Variants in GHR observed in about 807,000 individuals in gnomAD.
GHR encodes the protein growth hormone receptor.
A neutral mutation model predicts 67.1 loss-of-function variants in GHR; 35 were observed. The ratio of observed to expected loss-of-function variants is 0.52; its 90% confidence interval spans 0.40 to 0.69. The LOEUF (loss-of-function observed/expected upper bound fraction) is 0.69, where lower values mean the gene tolerates loss of function less well. Ranked by LOEUF, GHR falls within the 30% of genes least tolerant of loss-of-function variation. GHR has a pLI of 0.00. For missense variants in GHR, 792 were observed against 764.6 expected, an observed-to-expected ratio of 1.04 and a Z score of -0.42; for synonymous variants, 272 against 269.1, an observed-to-expected ratio of 1.01 and a Z score of -0.10.
At chr5:42,576,257 T>C (rs901016145) in intron 2 of GHR, among the ~76,000 whole-genome samples, 3 of 151,994 alleles carry the variant, frequency 2.0e-5, no homozygotes, top group African/African-American at 4.8e-5. Context: ...TCAGTTTTCT[T>C]ATCTCTTAAG....
At chr5:42,668,287 A>G (rs1027175827) in intron 3 of GHR, among the ~76,000 whole-genome samples, 1 of 152,216 alleles carries the variant, frequency 6.6e-6, no homozygotes, top group Admixed American at 6.5e-5. Context: ...TTAAATTTTG[A>G]AGAATTATTT....
intron 1 of GHR, among the ~76,000 whole-genome samples, chr5:42,455,474 T>C (rs1430123873): frequency 6.6e-6 from 1 of 152,200 alleles, no homozygotes; most frequent in Non-Finnish European, 1.5e-5. Context: ...TTTTGTTTCT[T>C]CTGACTTGGT....
At chr5:42,470,165 A>C (rs1198566989) in intron 1 of GHR, among the ~76,000 whole-genome samples, 3 of 140,708 alleles carry the variant, frequency 2.1e-5, no homozygotes, top group Non-Finnish European at 4.7e-5. Context: ...ATAATATATA[A>C]GATATAATTA....
intron 2 of GHR, among the ~76,000 whole-genome samples, chr5:42,588,175 A>G (rs1322870167): frequency 6.6e-6 from 1 of 152,142 alleles, no homozygotes; most frequent in Non-Finnish European, 1.5e-5. Context: ...GGCTTCCATG[A>G]TTGTATTTGC....
At chr5:42,562,567 A>T (rs1229624195) in intron 1 of GHR, among the ~76,000 whole-genome samples, 1 of 145,852 alleles carries the variant, frequency 6.9e-6, no homozygotes, top group Non-Finnish European at 1.5e-5. Flanking sequence ...TGTGTTGAGG[A>T]TTCTTGTTTG....
rs79508590 is a variant in GHR, at chr5:42,654,324, T to G, written c.136+25221T>G. On this transcript the variant is annotated intron_variant, in intron 3 of 9. Transcript: ENST00000230882. Reference sequence around the variant, plus strand: ...TCTATTTATGGAACATAGTTTCACATAGTAACTGATTCTGTACCAATGCCC... The same window carrying G: ...TCTATTTATGGAACATAGTTTCACAGAGTAACTGATTCTGTACCAATGCCC... Among the ~76,000 whole-genome samples the G allele has an allele frequency of 3.9e-5, 6 of 152,280 alleles. No homozygotes were observed. In the East Asian group the frequency reaches 1.2e-3, roughly 29 times the overall value.
At chr5:42,660,770 T>C (rs186510070) in intron 3 of GHR, among the ~76,000 whole-genome samples, 87 of 152,308 alleles carry the variant, frequency 5.7e-4, no homozygotes, top group African/African-American at 2.0e-3. Flanking sequence ...AGAATGACTT[T>C]GACGAGCTGA....
At chr5:42,667,145 T>G (rs1341917341) in intron 3 of GHR, among the ~76,000 whole-genome samples, 1 of 152,140 alleles carries the variant, frequency 6.6e-6, no homozygotes, top group Non-Finnish European at 1.5e-5. Context: ...TTAGAACCCC[T>G]GTAACACAGC....
intron 1 of GHR, among the ~76,000 whole-genome samples, chr5:42,474,325 G>GAAAGAAAGAAAGAAAGAAAGAAAGA (rs1554054628): frequency 7.6e-6 from 1 of 132,300 alleles, no homozygotes; most frequent in Non-Finnish European, 1.7e-5. Context: ...AAGAAAGAAA[G>GAAAGAAAGAAAGAAAGAAAGAAAGA]AAAGAAAGAA....
intron 1 of GHR, among the ~76,000 whole-genome samples, chr5:42,461,688 T>C (rs1744493440): frequency 6.6e-6 from 1 of 152,230 alleles, no homozygotes; most frequent in Non-Finnish European, 1.5e-5. Flanking sequence ...CAATAGTCTG[T>C]CAGCACTTTG....
intron 1 of GHR, among the ~76,000 whole-genome samples, chr5:42,485,997 T>C (rs1247881876): frequency 6.6e-6 from 1 of 152,248 alleles, no homozygotes; most frequent in Non-Finnish European, 1.5e-5. Context: ...AACTTTAATA[T>C]GTATAAAAAT....
In GHR at chr5:42,699,366, G is replaced by A. The variant is rs546763411; in HGVS notation, c.440-458G>A. On this transcript the variant is annotated intron_variant, in intron 5 of 9. Coordinates refer to ENST00000230882, the MANE Select transcript of GHR (RefSeq NM_000163.5). ...GAACAACACAGAAATGAGGTAAACA[G>A]GGTCTCTGCCCCCAGGCCATACATA... Among the ~76,000 whole-genome samples the A allele has an allele frequency of 1.9e-3, 285 of 152,220 alleles. 2 individuals carry two copies. Among genetic ancestry groups the A allele is most frequent in the Non-Finnish European group, 1.1e-3 (73 of 68,016 alleles).
intron 1 of GHR, chr5:42,465,835 T>A (rs1486641006): frequency 1.3e-6 from 1 of 766,140 alleles, no homozygotes; most frequent in African/African-American, 1.7e-5. Context: ...CTTGAATAGG[T>A]CGGTCAATAA....
At chr5:42,485,621 A>T (rs1255894603) in intron 1 of GHR, among the ~76,000 whole-genome samples, 1 of 152,164 alleles carries the variant, frequency 6.6e-6, no homozygotes, top group Non-Finnish European at 1.5e-5. Flanking sequence ...TCTTCTTAAG[A>T]AAAACCTTGT....
intron 2 of GHR, among the ~76,000 whole-genome samples, chr5:42,573,849 T>C (rs1220911279): frequency 6.6e-6 from 1 of 152,174 alleles, no homozygotes; most frequent in Non-Finnish European, 1.5e-5. Flanking sequence ...AAATGATACT[T>C]TGTGTATTTT....
chr5:42,703,499 GTTC>G (rs1464643236), intron 6 of GHR, among the ~76,000 whole-genome samples: 1 of 151,948 alleles, frequency 6.6e-6, no homozygotes, highest in Non-Finnish European at 1.5e-5. Context: ...TTTCATCCTT[GTTC>G]TTCTTGTTCA....
chr5:42,555,652 G>A (rs1027147164), intron 1 of GHR, among the ~76,000 whole-genome samples: 1 of 152,086 alleles, frequency 6.6e-6, no homozygotes, highest in Non-Finnish European at 1.5e-5. Context: ...CTCTTGCAAG[G>A]TCTGTCTGAG....
chr5:42,429,549 C>T (rs866539031), intron 1 of GHR, among the ~76,000 whole-genome samples: 11 of 152,146 alleles, frequency 7.2e-5, no homozygotes, highest in South Asian at 2.1e-4. Flanking sequence ...TAATTTCATA[C>T]CTATAAACAA....
intron 2 of GHR, among the ~76,000 whole-genome samples, chr5:42,568,967 A>G (rs1750108957): frequency 6.6e-6 from 1 of 152,222 alleles, no homozygotes; most frequent in African/African-American, 2.4e-5. Context: ...ACCAAGAATT[A>G]CAATATCAGG....
Sources: gnomAD v4.1 joint callset for allele counts (sites outside exome capture counted in the v4.1 genomes callset) on GRCh38, gnomAD v4.1.1 for gene constraint, MANE v1.5 for transcripts, NCBI Gene and HGNC (gene_info 2026-07-23, HGNC 2026-07-21) for gene names.